The following MED12 variants were observed in gnomAD, a reference collection of about 807,000 sequenced individuals.
The protein encoded by MED12 is mediator of RNA polymerase II transcription subunit 12.
In MED12, 10 loss-of-function variants were observed where a neutral mutation model predicts 177.7. That is an observed-to-expected ratio of 0.06 (90% CI 0.03 to 0.10). The LOEUF (loss-of-function observed/expected upper bound fraction) is 0.10. Among genes scored for constraint, MED12 ranks in the 10% least tolerant of loss-of-function variants. The pLI, the probability that MED12 is intolerant of heterozygous loss-of-function variation, is 1.00. For missense variants in MED12, 867 were observed against 1,780.8 expected (o/e 0.49, Z 9.23); for synonymous variants, 641 against 678.4 (o/e 0.94, Z 0.86).
In MED12 at chrX:71,131,125, C is replaced by CTTTTT. The variant is rs754896365; in HGVS notation, c.4048-409_4048-405dup. On this transcript the variant is annotated intron_variant, in intron 28 of 44. Transcript: ENST00000374080. ...CTAGTTTGGACTATTTAAATGTAGT[C>CTTTTT]TTTTTTTTTTTTTTTTTTTTGAGAC... 1.1e-3 allele frequency among the ~76,000 whole-genome samples: 91 copies of CTTTTT among 80,245 alleles called. 2 individuals carry two copies. The highest frequency in any genetic ancestry group is 7.4e-3 in the Middle Eastern group (1 of 136). 69.7% of individuals were successfully genotyped at this position (80,245 alleles called of 115,157 possible). A position where few individuals can be genotyped will look rare whatever the true frequency, so the allele number is the denominator to read the frequency against.
In MED12 at chrX:71,142,292, G is replaced by A; in HGVS notation, c.*74G>A. The stretch of plus-strand genomic sequence containing the variant: ...TCTTAATTCCCAATCCCATTCCTGG[G>A]CTAGCACCAGTAGTGGTTGGGGCCC... On this transcript the variant is annotated 3_prime_UTR_variant, in exon 45 of 45. Transcript: ENST00000374080. 1.9e-6 allele frequency: 2 copies of A among 1,069,783 alleles called. No individual in the cohort carries two copies. Among genetic ancestry groups the A allele is most frequent in the Non-Finnish European group, 2.6e-6 (2 of 766,447 alleles). The allele number at this position is 1,069,783 out of a possible 1,213,427, so 88.2% of individuals were successfully genotyped here.
Position 71,130,208 on chromosome X carries a change from T to C in MED12, c.4041T>C (p.Ile1347=), listed in dbSNP as rs769884032. ...ENPQRQRIKR[I]LQNLDQWTMR... is the part of the protein sequence containing the mutation. ...CCCAGCGGCAGCGCATAAAGCGCATTCTCCAGGTAGGCCAAGGCCGTGGGG... is the reference window on the plus strand; with the variant it reads ...CCCAGCGGCAGCGCATAAAGCGCATCCTCCAGGTAGGCCAAGGCCGTGGGG... Residue 1347 remains isoleucine (I), a synonymous_variant, in exon 28 of 45, where the codon ATT becomes ATC. Coordinates refer to ENST00000374080, the MANE Select transcript of MED12 (RefSeq NM_005120.3). The C allele has an allele frequency of 2.5e-6, 3 of 1,205,875 alleles. No homozygotes were observed. Among genetic ancestry groups the C allele is most frequent in the Admixed American group, 4.4e-5 (2 of 45,638 alleles).
chrX:71,138,009 G>C, intron 41 of MED12, 66 bp downstream of exon 41: 1 of 1,082,006 alleles, frequency 9.2e-7, no homozygotes, highest in Non-Finnish European at 1.3e-6. Context: ...ACTTGGGAAA[G>C]CCTGTGCCTG....
At chrX:71,122,473 G>GT (rs1360117141) in intron 8 of MED12, 35 bp from the exon 9 acceptor site, 1 of 1,192,294 alleles carries the variant, frequency 8.4e-7, no homozygotes, top group African/African-American at 1.8e-5. Flanking sequence ...ATATGCCTTG[G>GT]TACATCCTTG....
chrX:71,120,931 A>C lies in MED12; in HGVS notation c.554-40A>C. 3.3e-6 allele frequency: 4 copies of C among 1,200,269 alleles called. No individual in the cohort carries two copies. The Admixed American group carries it at 8.7e-5, about 26-fold the overall frequency. On this transcript the variant is annotated intron_variant, in intron 4 of 44. Coordinates refer to ENST00000374080, the MANE Select transcript of MED12 (RefSeq NM_005120.3). The stretch of plus-strand genomic sequence containing the variant: ...CCAGTAGAAGGATATTCTAAGCAGA[A>C]GGATAGTATCAAATAGCCCTTTTTC...
chrX:71,131,531 T>C lies in MED12; in HGVS notation c.4048-19T>C, dbSNP rs755471988. ...GTAACACGATGATGACTAGCCTGGGTGTGGGGCCTCTATCACAGAACTTGG... is the reference window on the plus strand; with the variant it reads ...GTAACACGATGATGACTAGCCTGGGCGTGGGGCCTCTATCACAGAACTTGG... On this transcript the variant is annotated intron_variant, in intron 28 of 44. Coordinates refer to ENST00000374080, the MANE Select transcript of MED12 (RefSeq NM_005120.3). 1.7e-6 allele frequency: 2 copies of C among 1,207,231 alleles called. No homozygotes were observed. Among genetic ancestry groups the C allele is most frequent in the Non-Finnish European group, 2.2e-6 (2 of 891,997 alleles).
intron 3 of MED12, 42 bp from the exon 4 acceptor site, chrX:71,119,972 A>G: frequency 8.3e-7 from 1 of 1,209,397 alleles, no homozygotes; most frequent in Non-Finnish European, 1.1e-6. Flanking sequence ...GTGTCAGCTC[A>G]TGGGGATAAT....
intron 19 of MED12, among the ~76,000 whole-genome samples, 191 bp from the exon 20 acceptor site, chrX:71,126,778 A>G (rs1387897816): frequency 3.6e-5 from 4 of 112,134 alleles, no homozygotes; most frequent in African/African-American, 1.3e-4. Context: ...GATAGAATAA[A>G]CTATCAACAA....
intron 1 of MED12, 64 bp downstream of exon 1, chrX:71,118,917 T>G: frequency 1.0e-6 from 1 of 992,116 alleles, no homozygotes; most frequent in Non-Finnish European, 1.4e-6. Context: ...GAGGAGGCAC[T>G]GACGGCTGGG....
chrX:71,142,183 C>A lies in MED12; in HGVS notation c.6499C>A (p.Pro2167Thr), dbSNP rs1469733739. The change falls in exon 45 of 45, where the codon CCA becomes ACA. Residue 2167 changes from proline to threonine, a missense_variant. Physicochemically the swap from Pro to Thr is conservative, Grantham distance 38 (BLOSUM62 -1). Around this residue, in one of 14 missense-constraint regions of MED12, gnomAD observed 236 missense variants for 345.2 expected, o/e 0.68. Coordinates refer to ENST00000374080, the MANE Select transcript of MED12 (RefSeq NM_005120.3). Reference sequence around the variant, plus strand: ...TCTCTGGTTTTTCACAGATACCCAGCCACAGCCCAGTACCAACATATTTGG... The same window carrying A: ...TCTCTGGTTTTTCACAGATACCCAGACACAGCCCAGTACCAACATATTTGG... ...QLQQQLSNTQ[P>T]QPSTNIFGRY 4.1e-6 allele frequency: 5 copies of A among 1,208,997 alleles called. No individual in the cohort carries two copies. The highest frequency in any genetic ancestry group is 5.6e-6 in the Non-Finnish European group (5 of 894,614).
At chrX:71,126,878 G>C in intron 19 of MED12, 91 bp from the exon 20 acceptor site, 1 of 991,641 alleles carries the variant, frequency 1.0e-6, no homozygotes, top group East Asian at 3.0e-5. Flanking sequence ...AAGGGGCTCA[G>C]GCCCAGCCTT....
At chrX:71,135,026 C>G in intron 35 of MED12, 66 bp from the exon 36 acceptor site, 1 of 1,189,558 alleles carries the variant, frequency 8.4e-7, no homozygotes, top group Non-Finnish European at 1.1e-6. Context: ...CTGTGCTGTC[C>G]CCTGAGACTT....
rs886556153 is a variant in MED12 at position 71,126,499 on chromosome X, G to A, written c.2685+15G>A. On this transcript the variant is annotated intron_variant, in intron 19 of 44. Transcript: ENST00000374080. ...TTGCCATTCAGGTGGGGAAGTTGGG[G>A]AGATGAGGGTGGAGGCAGGAGTTCA... The A allele has an allele frequency of 1.7e-6, 2 of 1,211,772 alleles. No homozygotes were observed. The highest frequency in any genetic ancestry group is 3.5e-5 in the African/African-American group (2 of 57,956).
At position 71,140,866 on chromosome X, in the gene MED12, C is replaced by G; in HGVS notation, c.6267+9C>G. ...AGCAGCAGATCCTGCGGGTAAGGCA[C>G]TGGGATTTCATCTGGGACCTGGGAG... On this transcript the variant is annotated intron_variant, in intron 42 of 44. Transcript: ENST00000374080. 8.3e-7 allele frequency: 1 copy of G among 1,202,570 alleles called. No individual in the cohort carries two copies. Among genetic ancestry groups the G allele is most frequent in the East Asian group, 3.0e-5 (1 of 33,667 alleles).
chrX:71,142,161 C>T lies in MED12; in HGVS notation c.6491-14C>T. On this transcript the variant is annotated splice_polypyrimidine_tract_variant and intron_variant, in intron 44 of 44. Coordinates refer to ENST00000374080, the MANE Select transcript of MED12 (RefSeq NM_005120.3). Reference sequence around the variant, plus strand: ...CCTGGTCTTCCATCCCTGATAATCTCTGGTTTTTCACAGATACCCAGCCAC... The same window carrying T: ...CCTGGTCTTCCATCCCTGATAATCTTTGGTTTTTCACAGATACCCAGCCAC... 1 of 1,209,664 alleles carries T rather than the reference C, an allele frequency of 8.3e-7. No individual in the cohort carries two copies. The highest frequency in any genetic ancestry group is 1.1e-6 in the Non-Finnish European group (1 of 893,816).
Position 71,118,713 on chromosome X carries a change from G to C in MED12, c.-42G>C, listed in dbSNP as rs1431160925. ...CTCCCCCTTCCCGTTCCCCCAGTCA[G>C]CCTGGCCCTGCTGGTGCCTCCGGCG... is the stretch of plus-strand genomic sequence containing the variant. On this transcript the variant is annotated 5_prime_UTR_variant, in exon 1 of 45. Coordinates refer to ENST00000374080, the MANE Select transcript of MED12 (RefSeq NM_005120.3). The C allele has an allele frequency of 8.6e-7, 1 of 1,159,276 alleles. No homozygotes were observed. The highest frequency in any genetic ancestry group is 1.8e-5 in the African/African-American group (1 of 56,228).
Position 71,125,558 on chromosome X carries a change from C to T in MED12, c.2371+63C>T, listed in dbSNP as rs544220243. ...AATGCCCTAGTCAGTCTTCCCTTCC[C>T]CAGTATAGGGAACTCCCCAGTCATG... On this transcript the variant is annotated intron_variant, in intron 16 of 44. Transcript: ENST00000374080. The T allele has an allele frequency of 3.6e-4, 422 of 1,183,194 alleles. 2 individuals carry two copies. In the South Asian group the frequency reaches 7.1e-3, roughly 20 times the overall value.
In MED12 at chrX:71,129,350, C is replaced by T. The variant is rs2147805655; in HGVS notation, c.3612C>T (p.Asp1204=). 1 of 1,209,782 alleles carries T rather than the reference C, an allele frequency of 8.3e-7. No individual in the cohort carries two copies. Among genetic ancestry groups the T allele is most frequent in the Non-Finnish European group, 1.1e-6 (1 of 893,606 alleles). ...KPTVGIRSSC[D]RHLLAASQNR... ...CAGTAGGAATCCGCTCCTCCTGCGA[C>T]CGCCACCTGCTGGCTGCCTCCCAGA... The change falls in exon 26 of 45, where the codon GAC becomes GAT. Residue 1204 remains aspartate, a synonymous_variant. Coordinates refer to ENST00000374080, the MANE Select transcript of MED12 (RefSeq NM_005120.3).
intron 41 of MED12, 51 bp from the exon 42 acceptor site, chrX:71,140,584 C>T: frequency 8.3e-7 from 1 of 1,210,747 alleles, no homozygotes; most frequent in South Asian, 1.8e-5. Flanking sequence ...ATACTGACCC[C>T]CTCTCCTCAC....
Sources: gnomAD v4.1 joint callset for allele counts (sites outside exome capture counted in the v4.1 genomes callset) on GRCh38, gnomAD v4.1.1 for gene constraint, gnomAD v4.1.1 regional missense constraint, MANE v1.5 for transcripts, NCBI Gene and HGNC (gene_info 2026-07-23, HGNC 2026-07-21) for gene names.